The following DENND1A variants were observed in gnomAD, a reference collection of about 807,000 sequenced individuals.
DENND1A encodes DENN domain-containing protein 1A.
A neutral mutation model predicts 113.7 loss-of-function variants in DENND1A; 51 were observed. The observed-to-expected ratio is 0.45, with a 90% CI of 0.36 to 0.57. The LOEUF (loss-of-function observed/expected upper bound fraction) is 0.57, where lower values mean the gene tolerates loss of function less well. DENND1A is among the 20% of genes least tolerant of loss of function. The pLI is 0.00. For missense variants in DENND1A, 1,258 were observed against 1,395.9 expected (o/e 0.90, Z 1.57); for synonymous variants, 565 against 570.8 (o/e 0.99, Z 0.14).
chr9:123,923,019 C>A (rs1050638895), intron 1 of DENND1A, among the ~76,000 whole-genome samples: 2 of 152,098 alleles, frequency 1.3e-5, no homozygotes, highest in Non-Finnish European at 2.9e-5. Flanking sequence ...TTTCCATGTC[C>A]CTACAAAGCC....
At chr9:123,622,233 C>G (rs2060998951) in intron 10 of DENND1A, among the ~76,000 whole-genome samples, 1 of 152,196 alleles carries the variant, frequency 6.6e-6, no homozygotes, top group South Asian at 2.1e-4. Context: ...ATGAGCTTGT[C>G]TTGATCTGCT....
intron 7 of DENND1A, 58 bp downstream of exon 7, chr9:123,671,233 T>C: frequency 6.3e-7 from 1 of 1,598,578 alleles, no homozygotes; most frequent in Non-Finnish European, 8.6e-7. Flanking sequence ...GCTAGCTCCC[T>C]CTTACTGTCA....
intron 1 of DENND1A, among the ~76,000 whole-genome samples, chr9:123,913,021 A>G (rs1355880705): frequency 1.3e-5 from 2 of 151,532 alleles, no homozygotes; most frequent in South Asian, 2.1e-4. Flanking sequence ...AGAGTAGGGA[A>G]CCTGAATGTA....
chr9:123,882,685 T>C (rs1443695240), intron 1 of DENND1A, among the ~76,000 whole-genome samples: 1 of 152,176 alleles, frequency 6.6e-6, no homozygotes, highest in Non-Finnish European at 1.5e-5. Context: ...AGTAATCCTT[T>C]TATTCTGAAG....
intron 5 of DENND1A, among the ~76,000 whole-genome samples, chr9:123,698,416 G>A (rs980074188): frequency 6.6e-6 from 1 of 152,110 alleles, no homozygotes; most frequent in Admixed American, 6.6e-5. Context: ...CCCCCTTAGT[G>A]ACATCCAAAT....
At chr9:123,493,001 C>T (rs1588825501) in intron 13 of DENND1A, 1 of 152,372 alleles carries the variant, frequency 6.6e-6, no homozygotes, top group East Asian at 1.9e-4. Flanking sequence ...TGGTTACCAC[C>T]TGAGGAACCC....
chr9:123,810,925 ATT>A (rs1320761951), intron 2 of DENND1A, among the ~76,000 whole-genome samples: 1 of 151,896 alleles, frequency 6.6e-6, no homozygotes, highest in Non-Finnish European at 1.5e-5. Context: ...CGCCCGGCTA[ATT>A]TTTGTACATT....
chr9:123,450,538 A>C (rs974024678), intron 18 of DENND1A, among the ~76,000 whole-genome samples, 155 bp downstream of exon 18: 11 of 152,198 alleles, frequency 7.2e-5, no homozygotes, highest in Non-Finnish European at 1.0e-4. Context: ...GTGAATATTT[A>C]TAACAGTGTG....
intron 19 of DENND1A, among the ~76,000 whole-genome samples, chr9:123,424,582 T>C (rs1179184161): frequency 6.6e-6 from 1 of 152,220 alleles, no homozygotes; most frequent in African/African-American, 2.4e-5. Flanking sequence ...CCAGCTGCTA[T>C]TTCTCTGAAT....
chr9:123,869,996 C>G (rs960883351), intron 2 of DENND1A, among the ~76,000 whole-genome samples: 6 of 133,584 alleles, frequency 4.5e-5, no homozygotes, highest in African/African-American at 6.4e-5. Flanking sequence ...AGAGCAAGAC[C>G]CTGTCTCAAA....
intron 3 of DENND1A, among the ~76,000 whole-genome samples, chr9:123,779,828 GC>G (rs1831001136): frequency 6.6e-6 from 1 of 151,988 alleles, no homozygotes; most frequent in African/African-American, 2.4e-5. Flanking sequence ...GGTGGCAGGG[GC>G]CAGATCATGG....
At chr9:123,909,766 C>T (rs1436216739) in intron 1 of DENND1A, among the ~76,000 whole-genome samples, 1 of 151,830 alleles carries the variant, frequency 6.6e-6, no homozygotes, top group Non-Finnish European at 1.5e-5. Flanking sequence ...TCACAGAAAA[C>T]CTGACTGTAT....
rs192050861 is a variant in DENND1A, at chr9:123,637,751, A to G, written c.619-7275T>C. Among the ~76,000 whole-genome samples, 445 of 152,324 alleles carry G rather than the reference A, an allele frequency of 2.9e-3. 3 individuals carry two copies. The highest frequency in any genetic ancestry group is 0.014 in the Middle Eastern group (4 of 294). On this transcript the variant is annotated intron_variant, in intron 9 of 23. Coordinates refer to ENST00000394215, the MANE Select transcript of DENND1A (RefSeq NM_001352964.2). ...ATGCCGGACATGTGAGTAGAAGGAA[A>G]GAGCAAACAGTGTCTTGCTTTTCTT...
intron 21 of DENND1A, among the ~76,000 whole-genome samples, chr9:123,395,107 G>A (rs2043048006): frequency 6.6e-6 from 1 of 152,212 alleles, no homozygotes; most frequent in African/African-American, 2.4e-5. Flanking sequence ...AAATGGCGAT[G>A]TGGCATCTGG....
intron 13 of DENND1A, among the ~76,000 whole-genome samples, chr9:123,516,328 T>G (rs1243721695): frequency 6.6e-6 from 1 of 151,940 alleles, no homozygotes; most frequent in African/African-American, 2.4e-5. Flanking sequence ...TACAATTTTA[T>G]AAGAAGGTTA....
intron 2 of DENND1A, among the ~76,000 whole-genome samples, chr9:123,815,217 G>A (rs1381334573): frequency 1.3e-5 from 2 of 152,212 alleles, no homozygotes; most frequent in East Asian, 1.9e-4. Context: ...CTCTCCTGCA[G>A]TGTCAGATGC....
chr9:123,577,601 G>T (rs1309759030), intron 12 of DENND1A, among the ~76,000 whole-genome samples: 1 of 152,126 alleles, frequency 6.6e-6, no homozygotes, highest in Non-Finnish European at 1.5e-5. Context: ...CTTTTAAAGA[G>T]GGTTGAAGTT....
At chr9:123,857,841 C>T (rs1213829585) in intron 2 of DENND1A, among the ~76,000 whole-genome samples, 3 of 151,990 alleles carry the variant, frequency 2.0e-5, no homozygotes, top group Non-Finnish European at 2.9e-5. Flanking sequence ...GGGTGGATCA[C>T]GAGGTCAGGA....
At chr9:123,891,393 A>G (rs529981781) in intron 1 of DENND1A, among the ~76,000 whole-genome samples, 7 of 152,334 alleles carry the variant, frequency 4.6e-5, no homozygotes, top group Admixed American at 4.6e-4. Flanking sequence ...TTTAAATCAG[A>G]TTCCCAGGTT....
Sources: gnomAD v4.1 joint callset for allele counts (sites outside exome capture counted in the v4.1 genomes callset) on GRCh38, gnomAD v4.1.1 for gene constraint, MANE v1.5 for transcripts, NCBI Gene and HGNC (gene_info 2026-07-23, HGNC 2026-07-21) for gene names.